The following NR1H3 variants were observed in gnomAD, a reference collection of about 807,000 sequenced individuals.
NR1H3 encodes oxysterols receptor LXR-alpha.
A neutral mutation model predicts 48.1 loss-of-function variants in NR1H3; 19 were observed. That is an observed-to-expected ratio of 0.40 (90% CI 0.28 to 0.58). The LOEUF (loss-of-function observed/expected upper bound fraction) is 0.58, where lower values mean the gene tolerates loss of function less well. Ranked by LOEUF, NR1H3 falls within the 20% of genes least tolerant of loss-of-function variation. NR1H3 has a pLI of 0.50. For synonymous variants in NR1H3, 232 were observed against 227.3 expected, an observed-to-expected ratio of 1.02 and a Z score of -0.19; for missense variants, 486 against 595.9, an observed-to-expected ratio of 0.82 and a Z score of 1.92.
upstream of NR1H3, chr11:47,248,756 C>T (rs773418071): frequency 6.2e-6 from 10 of 1,603,942 alleles, no homozygotes; most frequent in Non-Finnish European, 7.7e-6. Flanking sequence ...TGGAGGAGAG[C>T]CGCCCGGCTC....
upstream of NR1H3, among the ~76,000 whole-genome samples, chr11:47,253,077 G>A (rs1025844972): frequency 6.8e-6 from 1 of 147,736 alleles, no homozygotes; most frequent in Non-Finnish European, 1.5e-5. Flanking sequence ...TCCTACCTCA[G>A]CCCCCCAAGT....
upstream of NR1H3, among the ~76,000 whole-genome samples, chr11:47,256,972 C>T (rs994794577): frequency 4.6e-5 from 7 of 151,992 alleles, no homozygotes; most frequent in South Asian, 2.1e-4. Flanking sequence ...CCTCGTGATC[C>T]GCCTGCCTCG....
At chr11:47,248,597 C>G (rs1447936641), upstream of NR1H3, 1 of 1,553,808 alleles carries the variant, frequency 6.4e-7, no homozygotes, top group African/African-American at 1.4e-5. Flanking sequence ...CTGTTCCTTC[C>G]CGAGATCCTC....
intron 7 of NR1H3, among the ~76,000 whole-genome samples, chr11:47,263,610 T>TC (rs1453839687): frequency 6.7e-6 from 1 of 149,064 alleles, no homozygotes; most frequent in Non-Finnish European, 1.5e-5. Flanking sequence ...TCTTTTCTTT[T>TC]TTTTTTTTTT....
intron 2 of NR1H3, 105 bp from the exon 3 acceptor site, chr11:47,259,686 G>A (rs576972075): frequency 1.3e-6 from 2 of 1,562,676 alleles, no homozygotes; most frequent in East Asian, 2.3e-5. Context: ...GGACTTTGCT[G>A]CCCTCTAAGG....
intron 7 of NR1H3, among the ~76,000 whole-genome samples, chr11:47,264,235 A>C (rs1223028944): frequency 6.6e-6 from 1 of 152,178 alleles, no homozygotes; most frequent in African/African-American, 2.4e-5. Context: ...GTGGGGCTGT[A>C]AAATATGGCT....
upstream of NR1H3, chr11:47,248,457 C>A: frequency 6.5e-7 from 1 of 1,545,558 alleles, no homozygotes; most frequent in South Asian, 1.2e-5. Flanking sequence ...AACCATTCAA[C>A]CACTTCCCTG....
chr11:47,248,963 G>T, exon 1 of NR1H3: 1 of 1,526,888 alleles, frequency 6.5e-7, no homozygotes, highest in Non-Finnish European at 8.8e-7. Context: ...GCGTGCAGGA[G>T]GGTCGTGGTC....
chr11:47,257,433 C>T (rs574145088), upstream of NR1H3, among the ~76,000 whole-genome samples: 1 of 152,334 alleles, frequency 6.6e-6, no homozygotes, highest in East Asian at 1.9e-4. Flanking sequence ...CCCCGCAGGG[C>T]ACCCACTTTC....
At chr11:47,255,615 C>CTCTCTTTCTTTCTT (rs1554981334), upstream of NR1H3, among the ~76,000 whole-genome samples, 2 of 93,122 alleles carry the variant, frequency 2.1e-5, no homozygotes, top group African/African-American at 9.5e-5. Flanking sequence ...CTCTCTCTCT[C>CTCTCTTTCTTTCTT]TCTTTCTTTC....
chr11:47,255,760 C>G (rs1233371517), upstream of NR1H3, among the ~76,000 whole-genome samples: 1 of 151,458 alleles, frequency 6.6e-6, no homozygotes, highest in African/African-American at 2.4e-5. Context: ...TTCTGCCTGC[C>G]AGGTTCAAGT....
chr11:47,259,278 C>T lies in NR1H3; in HGVS notation c.43+19C>T, dbSNP rs1016298591. ...CCTCCTGGTAAGCTTCATTCCATCC[C>T]TCTCCCCTGAGCCCAGACCGCAGGC... is the stretch of plus-strand genomic sequence containing the variant. On this transcript the variant is annotated intron_variant, in intron 2 of 9. Coordinates refer to ENST00000441012, the MANE Select transcript of NR1H3 (RefSeq NM_005693.4). 1 of 1,614,016 alleles carries T rather than the reference C, an allele frequency of 6.2e-7. No homozygotes were observed. Among genetic ancestry groups the T allele is most frequent in the Non-Finnish European group, 8.5e-7 (1 of 1,180,000 alleles).
Position 47,261,736 on chromosome 11 carries a change from G to T in NR1H3, c.888+10G>T, listed in dbSNP as rs774103366. 4 of 1,614,026 alleles carry T rather than the reference G, an allele frequency of 2.5e-6. No individual in the cohort carries two copies. Among genetic ancestry groups the T allele is most frequent in the Non-Finnish European group, 3.4e-6 (4 of 1,180,038 alleles). On this transcript the variant is annotated intron_variant, in intron 6 of 9. Coordinates refer to ENST00000441012, the MANE Select transcript of NR1H3 (RefSeq NM_005693.4). Reference sequence around the variant, plus strand: ...GACCTCTGCGATCGAGGTGGCTGGAGAAGGGCAAGGGATGAAGGGAGAAGC... The same window carrying T: ...GACCTCTGCGATCGAGGTGGCTGGATAAGGGCAAGGGATGAAGGGAGAAGC...
At chr11:47,251,487 C>T (rs762516470) in intron 1 of NR1H3, among the ~76,000 whole-genome samples, 1 of 152,036 alleles carries the variant, frequency 6.6e-6, no homozygotes, top group Non-Finnish European at 1.5e-5. Context: ...TGGCGTGTGC[C>T]TGTAATCCCA....
In NR1H3 at chr11:47,258,087, C is replaced by T. The variant is rs1955382086; in HGVS notation, c.-80C>T. 1 of 985,336 alleles carries T rather than the reference C, an allele frequency of 1.0e-6. No homozygotes were observed. The highest frequency in any genetic ancestry group is 1.2e-6 in the Non-Finnish European group (1 of 830,142). 61.0% of individuals were successfully genotyped at this position (985,336 alleles called of 1,614,324 possible). ...ATCCTCTTCTCCCAGCAAGGGGGCT[C>T]CAGAGACTGCCCACCCAGGAAGTCT... is the stretch of plus-strand genomic sequence containing the variant. On this transcript the variant is annotated 5_prime_UTR_variant, in exon 1 of 10. Coordinates refer to ENST00000441012, the MANE Select transcript of NR1H3 (RefSeq NM_005693.4).
chr11:47,251,754 A>G (rs1271889336), intron 1 of NR1H3, among the ~76,000 whole-genome samples: 1 of 152,154 alleles, frequency 6.6e-6, no homozygotes. Context: ...TCAGAGTGTA[A>G]ATCTTTGGCT....
intron 1 of NR1H3, chr11:47,250,589 CCTT>C (rs1001286007): frequency 6.6e-6 from 1 of 152,174 alleles, no homozygotes; most frequent in Non-Finnish European, 1.5e-5. Context: ...CAGTTCTTAA[CCTT>C]CTTATTTAAT....
In NR1H3 at chr11:47,268,538, T is replaced by C. The variant is rs762640697; in HGVS notation, c.1198-12T>C. ...CAGGCAAAAGCTGTGTTTGTCTCTC[T>C]CCTTTCCCCAGGACCGACTGATGTT... is the stretch of plus-strand genomic sequence containing the variant. On this transcript the variant is annotated splice_polypyrimidine_tract_variant and intron_variant, in intron 9 of 9. Coordinates refer to ENST00000441012, the MANE Select transcript of NR1H3 (RefSeq NM_005693.4). 2.5e-6 allele frequency: 4 copies of C among 1,614,052 alleles called. No individual in the cohort carries two copies. The African/African-American group carries it at 4.0e-5, about 16-fold the overall frequency.
upstream of NR1H3, among the ~76,000 whole-genome samples, chr11:47,253,616 C>T (rs900093454): frequency 2.0e-5 from 3 of 152,228 alleles, no homozygotes; most frequent in Admixed American, 6.5e-5. Context: ...TACCCTGTGG[C>T]CTGCTTCATG....
Sources: gnomAD v4.1 joint callset for allele counts (sites outside exome capture counted in the v4.1 genomes callset) on GRCh38, gnomAD v4.1.1 for gene constraint, MANE v1.5 for transcripts, NCBI Gene and HGNC (gene_info 2026-07-23, HGNC 2026-07-21) for gene names.